B3GLCT: variants seen among roughly 807,000 people sequenced by gnomAD.
B3GLCT encodes the protein beta-1,3-glucosyltransferase.
B3GLCT carries 65 observed loss-of-function variants against 63.4 expected under a neutral mutation model. That is an observed-to-expected ratio of 1.03 (90% CI 0.84 to 1.26). The LOEUF (loss-of-function observed/expected upper bound fraction) is 1.26, where lower values mean the gene tolerates loss of function less well. B3GLCT is among the 50% of genes most tolerant of loss of function. The pLI is 0.00. For missense variants in B3GLCT, 577 were observed against 604.8 expected, an observed-to-expected ratio of 0.95 and a Z score of 0.48; for synonymous variants, 233 against 219.2, an observed-to-expected ratio of 1.06 and a Z score of -0.55.
In B3GLCT at chr13:31,200,068, C is replaced by T; in HGVS notation, c.-17C>T. The T allele has an allele frequency of 7.4e-7, 1 of 1,353,032 alleles. No homozygotes were observed. Among genetic ancestry groups the T allele is most frequent in the African/African-American group, 1.5e-5 (1 of 65,694 alleles). 83.8% of individuals were successfully genotyped at this position (1,353,032 alleles called of 1,614,324 possible). The stretch of plus-strand genomic sequence containing the variant: ...CTTCCCCGCGCCCAGGTAGGGCGCT[C>T]AGCCTCCGCCGCCAGGATGCGGCCG... On this transcript the variant is annotated 5_prime_UTR_variant, in exon 1 of 15. Transcript: ENST00000343307.
In B3GLCT at chr13:31,269,285, A is replaced by C; in HGVS notation, c.660+8A>C. 2 of 1,586,522 alleles carry C rather than the reference A, an allele frequency of 1.3e-6. No homozygotes were observed. Among genetic ancestry groups the C allele is most frequent in the Non-Finnish European group, 1.7e-6 (2 of 1,155,808 alleles). ...ATAGATTTAAAACATGAGGTATGTC[A>C]TGTTTTGTTTGATTAAAAATCTTAC... On this transcript the variant is annotated splice_region_variant and intron_variant, in intron 8 of 14. Coordinates refer to ENST00000343307, the MANE Select transcript of B3GLCT (RefSeq NM_194318.4).
intron 6 of B3GLCT, among the ~76,000 whole-genome samples, chr13:31,249,960 CCAT>C (rs1240075033): frequency 6.6e-6 from 1 of 152,132 alleles, no homozygotes; most frequent in Non-Finnish European, 1.5e-5. Context: ...TGATTTATTT[CCAT>C]CATCATCTTT....
In B3GLCT at chr13:31,298,870, A is replaced by G. The variant is rs371667814; in HGVS notation, c.1064+12051A>G. 3.3e-5 allele frequency among the ~76,000 whole-genome samples: 5 copies of G among 152,240 alleles called. No homozygotes were observed. In the East Asian group the frequency reaches 9.6e-4, roughly 29 times the overall value. On this transcript the variant is annotated intron_variant, in intron 12 of 14. Transcript: ENST00000343307. ...CGGGGTGAAGGAGCAACACAGTCAC[A>G]TCAGGCCCTAAGGAATTTTGACATA... is the stretch of plus-strand genomic sequence containing the variant.
At chr13:31,218,811 G>A (rs561998263) in intron 2 of B3GLCT, among the ~76,000 whole-genome samples, 31 of 152,156 alleles carry the variant, frequency 2.0e-4, no homozygotes, top group East Asian at 7.7e-4. Flanking sequence ...TACCCATTCC[G>A]TATGATGTTA....
intron 4 of B3GLCT, among the ~76,000 whole-genome samples, chr13:31,234,079 G>A (rs890961236): frequency 1.1e-4 from 17 of 151,412 alleles, no homozygotes; most frequent in Middle Eastern, 3.4e-3. Context: ...GTGCAGTGGC[G>A]TCATCTCAGC....
At chr13:31,203,068 G>C (rs1275227661) in intron 1 of B3GLCT, among the ~76,000 whole-genome samples, 1 of 152,152 alleles carries the variant, frequency 6.6e-6, no homozygotes, top group Non-Finnish European at 1.5e-5. Flanking sequence ...TCACATGCCT[G>C]TCTGTCACTT....
chr13:31,205,830 G>C (rs1868920896), intron 1 of B3GLCT, among the ~76,000 whole-genome samples: 1 of 152,214 alleles, frequency 6.6e-6, no homozygotes, highest in African/African-American at 2.4e-5. Flanking sequence ...ATATCTGCAT[G>C]TTGTAAAGCT....
chr13:31,288,468 ACAGCCAG>A (rs1232660483), intron 12 of B3GLCT, among the ~76,000 whole-genome samples: 1 of 152,162 alleles, frequency 6.6e-6, no homozygotes, highest in Non-Finnish European at 1.5e-5. Flanking sequence ...CTCTAACACC[ACAGCCAG>A]CATAAGCTGC....
chr13:31,329,745 A>C lies in B3GLCT; in HGVS notation c.*77A>C. On this transcript the variant is annotated 3_prime_UTR_variant, in exon 15 of 15. Transcript: ENST00000343307. ...GGCCTCATCCCACTGTGCTGTGCTC[A>C]CAACACTTGTGTCTGCCACATGGCA... is the stretch of plus-strand genomic sequence containing the variant. The C allele has an allele frequency of 6.6e-7, 1 of 1,515,392 alleles. No homozygotes were observed. Among genetic ancestry groups the C allele is most frequent in the Non-Finnish European group, 9.1e-7 (1 of 1,096,934 alleles). 93.9% of individuals were successfully genotyped at this position (1,515,392 alleles called of 1,614,324 possible). A position where few individuals can be genotyped will look rare whatever the true frequency, so the allele number is the denominator to read the frequency against.
At chr13:31,204,859 A>G (rs117832986) in intron 1 of B3GLCT, among the ~76,000 whole-genome samples, 1,764 of 152,276 alleles carry the variant, frequency 0.012, 17 homozygotes, top group Non-Finnish European at 0.017. Flanking sequence ...AGGATGAGTC[A>G]TACATTTCTG....
intron 2 of B3GLCT, among the ~76,000 whole-genome samples, chr13:31,222,577 C>T (rs1869869727): frequency 6.6e-6 from 1 of 152,238 alleles, no homozygotes; most frequent in African/African-American, 2.4e-5. Flanking sequence ...AGACTATCCT[C>T]TGATATGTTC....
chr13:31,223,839 T>G (rs1258222287), intron 3 of B3GLCT, among the ~76,000 whole-genome samples: 1 of 152,136 alleles, frequency 6.6e-6, no homozygotes, highest in Non-Finnish European at 1.5e-5. Context: ...ATGCGGTCCA[T>G]GGGAGAAGTC....
chr13:31,204,436 T>C (rs953123343), intron 1 of B3GLCT, among the ~76,000 whole-genome samples: 9 of 152,038 alleles, frequency 5.9e-5, no homozygotes, highest in African/African-American at 2.2e-4. Context: ...AAGGAAGGCT[T>C]CCTAGAGGAT....
chr13:31,278,987 A>C (rs1200979236), intron 10 of B3GLCT, among the ~76,000 whole-genome samples: 1 of 152,176 alleles, frequency 6.6e-6, no homozygotes, highest in East Asian at 1.9e-4. Flanking sequence ...CTGGCTCCTA[A>C]GTCCCACATT....
intron 7 of B3GLCT, among the ~76,000 whole-genome samples, chr13:31,268,615 A>G (rs1348517130): frequency 1.3e-5 from 2 of 152,132 alleles, no homozygotes; most frequent in African/African-American, 4.8e-5. Flanking sequence ...GGGAGAGAAC[A>G]ATGGGGAGGT....
chr13:31,289,824 T>A (rs949788453), intron 12 of B3GLCT, among the ~76,000 whole-genome samples: 1 of 152,110 alleles, frequency 6.6e-6, no homozygotes, highest in Admixed American at 6.6e-5. Context: ...CAGAATGGAT[T>A]TTTTTTATTG....
intron 12 of B3GLCT, among the ~76,000 whole-genome samples, chr13:31,314,414 T>G (rs1244966482): frequency 2.0e-5 from 3 of 152,200 alleles, no homozygotes; most frequent in Non-Finnish European, 4.4e-5. Flanking sequence ...ACCCACCTCT[T>G]GCATCAGTGT....
At chr13:31,200,190 C>A (rs1299463229) in intron 1 of B3GLCT, 36 bp downstream of exon 1, 40 of 1,225,684 alleles carry the variant, frequency 3.3e-5, no homozygotes, top group Non-Finnish European at 3.8e-5. Context: ...AAGGGCGAGG[C>A]GTGGGGTTCG....
At chr13:31,257,742 T>C (rs1871812323) in intron 6 of B3GLCT, among the ~76,000 whole-genome samples, 1 of 152,024 alleles carries the variant, frequency 6.6e-6, no homozygotes, top group African/African-American at 2.4e-5. Flanking sequence ...TAAGAGAAAA[T>C]ATACAAAACT....
Sources: allele counts gnomAD v4.1 joint callset (sites outside exome capture counted in the v4.1 genomes callset), GRCh38; gene constraint gnomAD v4.1.1; transcripts MANE v1.5; gene names NCBI Gene and HGNC (gene_info 2026-07-23, HGNC 2026-07-21).